RAB8B: variants seen among roughly 807,000 people sequenced by gnomAD.
RAB8B encodes RAB8B, member RAS oncogene family.
A neutral mutation model predicts 32.0 loss-of-function variants in RAB8B; 11 were observed. That is an observed-to-expected ratio of 0.34 (90% CI 0.22 to 0.57). The LOEUF (loss-of-function observed/expected upper bound fraction) is 0.57, where lower values mean the gene tolerates loss of function less well. RAB8B is among the 20% of genes least tolerant of loss of function. The probability of loss-of-function intolerance (pLI) is 0.86; values close to 1 mark genes in which losing one functional copy is unlikely to be tolerated. For missense variants in RAB8B, 190 were observed against 258.5 expected (o/e 0.73, Z 1.82); for synonymous variants, 103 against 89.6 (o/e 1.15, Z -0.85).
intron 1 of RAB8B, among the ~76,000 whole-genome samples, chr15:63,235,760 T>A (rs1197733459): frequency 6.6e-6 from 1 of 152,084 alleles, no homozygotes; most frequent in Non-Finnish European, 1.5e-5. Flanking sequence ...TTGGTTTGAC[T>A]GTATATTTCT....
rs56015501 is a variant in RAB8B, at chr15:63,229,780, CAAAAAAA to C, written c.125-14952_125-14946del. Among the ~76,000 whole-genome samples the C allele has an allele frequency of 8.3e-5, 3 of 35,972 alleles. 1 individual carries two copies. The highest frequency in any genetic ancestry group is 1.3e-4 in the Non-Finnish European group (2 of 15,870). The allele number at this position is 35,972 out of a possible 152,430, so 23.6% of individuals were successfully genotyped here. On this transcript the variant is annotated intron_variant, in intron 1 of 7. Coordinates refer to ENST00000321437, the MANE Select transcript of RAB8B (RefSeq NM_016530.3). ...TAGGTGACAGAGCAAGACGCTGTTT[CAAAAAAA>C]AAAAAAAAAAAAAAAAAAAAAAAGA...
chr15:63,213,568 G>A (rs2037764809), intron 1 of RAB8B, among the ~76,000 whole-genome samples: 1 of 151,872 alleles, frequency 6.6e-6, no homozygotes, highest in Non-Finnish European at 1.5e-5. Flanking sequence ...AATGATAAAA[G>A]CTTAAGTTGT....
chr15:63,228,095 C>T (rs1211555835), intron 1 of RAB8B, among the ~76,000 whole-genome samples: 2 of 152,186 alleles, frequency 1.3e-5, no homozygotes, highest in Admixed American at 1.3e-4. Context: ...TGGCTCACTG[C>T]AGCTTCGACC....
At chr15:63,202,494 G>C (rs1363368031) in intron 1 of RAB8B, among the ~76,000 whole-genome samples, 1 of 152,166 alleles carries the variant, frequency 6.6e-6, no homozygotes, top group Non-Finnish European at 1.5e-5. Context: ...AATCAAATAT[G>C]TGTGCAGCAG....
chr15:63,197,626 G>A (rs1464018497), intron 1 of RAB8B, among the ~76,000 whole-genome samples: 5 of 151,814 alleles, frequency 3.3e-5, no homozygotes, highest in African/African-American at 9.7e-5. Flanking sequence ...TGTCTGCCTC[G>A]GCCTCCCAAA....
intron 1 of RAB8B, among the ~76,000 whole-genome samples, chr15:63,205,648 T>C (rs972947101): frequency 2.6e-5 from 4 of 152,240 alleles, no homozygotes; most frequent in African/African-American, 9.6e-5. Flanking sequence ...TTCTTTGCTC[T>C]GAAAACGTGT....
intron 1 of RAB8B, among the ~76,000 whole-genome samples, chr15:63,234,690 C>G (rs2037963505): frequency 1.3e-5 from 2 of 152,196 alleles, no homozygotes; most frequent in South Asian, 4.1e-4. Context: ...TCTGCGAGCT[C>G]TGATGCCCTG....
intron 1 of RAB8B, among the ~76,000 whole-genome samples, chr15:63,221,385 TG>T (rs935396524): frequency 5.9e-5 from 9 of 152,214 alleles, no homozygotes; most frequent in Admixed American, 4.6e-4. Context: ...TGTATTATGA[TG>T]GAAGCTAGTA....
chr15:63,231,794 T>C (rs948867305), intron 1 of RAB8B, among the ~76,000 whole-genome samples: 2 of 152,194 alleles, frequency 1.3e-5, no homozygotes, highest in African/African-American at 4.8e-5. Flanking sequence ...ACTTTCATTC[T>C]TTAAGAAAGG....
chr15:63,206,353 A>T (rs571927877), intron 1 of RAB8B, among the ~76,000 whole-genome samples: 5 of 152,102 alleles, frequency 3.3e-5, no homozygotes, highest in Admixed American at 2.6e-4. Flanking sequence ...TTGATAGCCC[A>T]TAGCAATCTC....
intron 1 of RAB8B, among the ~76,000 whole-genome samples, chr15:63,243,212 AGCT>A (rs2038046451): frequency 6.6e-6 from 1 of 152,244 alleles, no homozygotes; most frequent in Non-Finnish European, 1.5e-5. Context: ...AATGGGGAGC[AGCT>A]GTAAATATAG....
At chr15:63,246,503 A>T (rs1459864792) in intron 2 of RAB8B, among the ~76,000 whole-genome samples, 1 of 152,162 alleles carries the variant, frequency 6.6e-6, no homozygotes, top group Non-Finnish European at 1.5e-5. Context: ...AAGAATACAG[A>T]TGAACAGCCA....
At chr15:63,239,535 G>A (rs1329351514) in intron 1 of RAB8B, among the ~76,000 whole-genome samples, 1 of 150,090 alleles carries the variant, frequency 6.7e-6, no homozygotes, top group Non-Finnish European at 1.5e-5. Flanking sequence ...TCCTGCCTTA[G>A]CCTCCCCGCT....
At chr15:63,257,959 A>T (rs2038171865) in intron 5 of RAB8B, among the ~76,000 whole-genome samples, 1 of 151,188 alleles carries the variant, frequency 6.6e-6, no homozygotes, top group African/African-American at 2.4e-5. Flanking sequence ...GCTACTCAGG[A>T]GGCTGAGGCA....
chr15:63,251,135 C>G (rs913650084), intron 3 of RAB8B: 1 of 390,150 alleles, frequency 2.6e-6, no homozygotes, highest in Non-Finnish European at 5.0e-6. Flanking sequence ...ACACTCCACC[C>G]TATAATACTT....
rs2038254812 is a variant in RAB8B, at chr15:63,267,071, G to C, written c.*3452G>C. On this transcript the variant is annotated 3_prime_UTR_variant, in exon 8 of 8. Transcript: ENST00000321437. Reference sequence around the variant, plus strand: ...TGTTACATCCAAGGGGGGCACAGGGGTGGGTGGAAAGGAATGTCTAAAAAT... The same window carrying C: ...TGTTACATCCAAGGGGGGCACAGGGCTGGGTGGAAAGGAATGTCTAAAAAT... 1 of 152,494 alleles carries C rather than the reference G, an allele frequency of 6.6e-6. No individual in the cohort carries two copies. Among genetic ancestry groups the C allele is most frequent in the African/African-American group, 2.4e-5 (1 of 41,398 alleles). The allele number at this position is 152,494 out of a possible 1,614,324, so 9.4% of individuals were successfully genotyped here.
At chr15:63,235,038 A>C (rs2037966903) in intron 1 of RAB8B, among the ~76,000 whole-genome samples, 1 of 152,136 alleles carries the variant, frequency 6.6e-6, no homozygotes, top group Admixed American at 6.5e-5. Context: ...CACTTTCTGA[A>C]CTTGATCCAA....
At chr15:63,242,726 G>A (rs1274167821) in intron 1 of RAB8B, among the ~76,000 whole-genome samples, 1 of 152,022 alleles carries the variant, frequency 6.6e-6, no homozygotes, top group Non-Finnish European at 1.5e-5. Flanking sequence ...TCAATTTAGA[G>A]GATATGTAAT....
At chr15:63,216,745 A>G (rs2037795882) in intron 1 of RAB8B, among the ~76,000 whole-genome samples, 4 of 151,878 alleles carry the variant, frequency 2.6e-5, no homozygotes, top group Admixed American at 2.0e-4. Flanking sequence ...CTGTAGTCCC[A>G]GCTCTTTGGG....
Sources: allele counts gnomAD v4.1 joint callset (sites outside exome capture counted in the v4.1 genomes callset), GRCh38; gene constraint gnomAD v4.1.1; transcripts MANE v1.5; gene names NCBI Gene and HGNC (gene_info 2026-07-23, HGNC 2026-07-21).